The following C7orf57 variants were observed in gnomAD, a reference collection of about 807,000 sequenced individuals.
The protein encoded by C7orf57 is uncharacterized protein C7orf57.
Under a neutral mutation model 39.0 loss-of-function variants are expected in C7orf57, and 33 were observed. The ratio of observed to expected loss-of-function variants is 0.85; its 90% CI spans 0.64 to 1.13. The LOEUF (loss-of-function observed/expected upper bound fraction) is 1.13, where lower values mean the gene tolerates loss of function less well. Among genes scored for constraint, C7orf57 ranks in the 50% most tolerant of loss-of-function variants. C7orf57 has a pLI of 0.00. For missense variants in C7orf57, 346 were observed against 362.3 expected (o/e 0.95, Z 0.37); for synonymous variants, 124 against 137.1 (o/e 0.90, Z 0.67).
chr7:48,060,226 GC>G lies in C7orf57; in HGVS notation c.845del (p.Pro282GlnfsTer17). On this transcript the variant is annotated frameshift_variant and splice_region_variant, in exon 9 of 9. Transcript: ENST00000348904. LOFTEE classifies it high-confidence loss of function. ...CTCATTTATTTACTTTGTGTTGCAG[GC>G]CCAGAAGAATCTGTATCTGCATCAA... ...GPEDTPESSQ[S>X]PEESVSASTP... The G allele has an allele frequency of 6.5e-7, 1 of 1,529,904 alleles. No homozygotes were observed. The highest frequency in any genetic ancestry group is 8.8e-7 in the Non-Finnish European group (1 of 1,131,528). 94.8% of individuals were successfully genotyped at this position (1,529,904 alleles called of 1,614,324 possible). A position where few individuals can be genotyped will look rare whatever the true frequency, so the allele number is the denominator to read the frequency against.
chr7:48,051,851 CTTTCTTTCTTTCTTTCTTTCTCTT>C (rs1253077155), intron 6 of C7orf57, among the ~76,000 whole-genome samples: 3 of 65,592 alleles, frequency 4.6e-5, no homozygotes, highest in African/African-American at 2.6e-4. Context: ...TTCTTTCTTT[CTTTCTTTCTTTCTTTCTTTCTCTT>C]TCTCTTTCTT....
intron 6 of C7orf57, among the ~76,000 whole-genome samples, chr7:48,051,751 TTTCTTTC>T (rs1368614990): frequency 0.013 from 129 of 9,664 alleles, 9 homozygotes; most frequent in African/African-American, 0.03. Context: ...TTCTTTTTCT[TTTCTTTC>T]TTTCTTTCTT....
At position 48,035,991 on chromosome 7, in the gene C7orf57, C is replaced by G. The variant is rs889195754; in HGVS notation, c.-101-217C>G. 4.6e-5 allele frequency among the ~76,000 whole-genome samples: 7 copies of G among 151,904 alleles called. No homozygotes were observed. Among genetic ancestry groups the G allele is most frequent in the South Asian group, 2.1e-4 (1 of 4,816 alleles). On this transcript the variant is annotated intron_variant, in intron 1 of 8. Coordinates refer to ENST00000348904, the MANE Select transcript of C7orf57 (RefSeq NM_001100159.3). This position sits in a 1 kb window ranked among gnomAD's most constrained non-coding sequence, Gnocchi z 4.0. ...GAGTGCGTACGTCCCTGCTGTGTAC[C>G]CTGTGTGGACGTGCCCTGCTGTCTA... is the stretch of plus-strand genomic sequence containing the variant.
chr7:48,043,704 C>A (rs908374714), intron 4 of C7orf57, 115 bp downstream of exon 4: 5 of 810,330 alleles, frequency 6.2e-6, no homozygotes, highest in African/African-American at 3.5e-5. Flanking sequence ...GATATGACAA[C>A]TTCAGGTTCT....
At chr7:48,055,619 T>C (rs1428506195) in intron 8 of C7orf57, among the ~76,000 whole-genome samples, 7 of 152,180 alleles carry the variant, frequency 4.6e-5, no homozygotes, top group Non-Finnish European at 7.4e-5. Flanking sequence ...TCTTACCCCA[T>C]CAACTACTGC....
chr7:48,048,364 G>A (rs985143473), intron 5 of C7orf57, among the ~76,000 whole-genome samples: 1 of 152,116 alleles, frequency 6.6e-6, no homozygotes, highest in East Asian at 1.9e-4. Flanking sequence ...GGCCTCACAC[G>A]GGACACATGG....
At chr7:48,051,815 TTCTC>T (rs202124139) in intron 6 of C7orf57, among the ~76,000 whole-genome samples, 11 of 70,388 alleles carry the variant, frequency 1.6e-4, no homozygotes, top group Admixed American at 4.9e-4. Flanking sequence ...TCCTTTTCTC[TTCTC>T]TTTCTTTCTT....
At chr7:48,045,898 G>T (rs994539999) in intron 4 of C7orf57, among the ~76,000 whole-genome samples, 34 of 152,124 alleles carry the variant, frequency 2.2e-4, no homozygotes, top group African/African-American at 7.5e-4. Context: ...ACAGGAAACA[G>T]AGCATGTTAT....
chr7:48,043,620 T>G (rs1169654956), intron 4 of C7orf57, 31 bp downstream of exon 4: 1 of 1,559,838 alleles, frequency 6.4e-7, no homozygotes, highest in East Asian at 2.2e-5. Flanking sequence ...ACATTTTTGT[T>G]TATCTTTACA....
intron 5 of C7orf57, among the ~76,000 whole-genome samples, chr7:48,049,583 A>G (rs937594316): frequency 2.0e-5 from 3 of 152,098 alleles, no homozygotes; most frequent in African/African-American, 7.2e-5. Context: ...ATATGTTTTC[A>G]TCTGGGTGTG....
At chr7:48,051,869 T>TCC (rs1790950805) in intron 6 of C7orf57, among the ~76,000 whole-genome samples, 1 of 70,760 alleles carries the variant, frequency 1.4e-5, no homozygotes, top group African/African-American at 7.3e-5. Flanking sequence ...CTTTCTTTCT[T>TCC]TCTCTTTCTC....
chr7:48,053,039 T>C (rs1204238714), intron 7 of C7orf57, 116 bp downstream of exon 7: 6 of 834,382 alleles, frequency 7.2e-6, no homozygotes, highest in Non-Finnish European at 1.0e-5. Context: ...CCAAAAACCA[T>C]GTGAAAACGC....
chr7:48,039,407 C>T (rs1157105159), intron 2 of C7orf57, among the ~76,000 whole-genome samples: 4 of 151,914 alleles, frequency 2.6e-5, no homozygotes, highest in South Asian at 2.1e-4. Flanking sequence ...TAAGGAGGCA[C>T]GTCCAGCTTT....
intron 6 of C7orf57, among the ~76,000 whole-genome samples, chr7:48,051,795 TTTC>T (rs1790916359): frequency 1.3e-5 from 1 of 77,514 alleles, no homozygotes; most frequent in African/African-American, 5.1e-5. Context: ...TCTTTCTTTC[TTTC>T]CTTCCTTCCT....
At chr7:48,036,453 G>T in intron 2 of C7orf57, 90 bp downstream of exon 2, 1 of 1,239,324 alleles carries the variant, frequency 8.1e-7, no homozygotes, top group Non-Finnish European at 1.1e-6. Context: ...CGTCCTCTAT[G>T]TGGGCTGGAG....
At chr7:48,049,280 C>T (rs1200491548) in intron 5 of C7orf57, among the ~76,000 whole-genome samples, 1 of 152,216 alleles carries the variant, frequency 6.6e-6, no homozygotes, top group Admixed American at 6.5e-5. Flanking sequence ...TTTCTTTCCT[C>T]TTTCTTTAAT....
In C7orf57 at chr7:48,051,859, C is replaced by CTT. The variant is rs1227351470; in HGVS notation, c.606-839_606-838dup. ...TCTTTCTTTCTTTCTTTCTTTCTTT[C>CTT]TTTCTTTCTTTCTCTTTCTCTTTCT... On this transcript the variant is annotated intron_variant, in intron 6 of 8. Transcript: ENST00000348904. Among the ~76,000 whole-genome samples the CTT allele has an allele frequency of 6.4e-5, 4 of 62,406 alleles. 1 individual carries two copies. The highest frequency in any genetic ancestry group is 9.3e-5 in the Non-Finnish European group (3 of 32,380). 40.9% of individuals were successfully genotyped at this position (62,406 alleles called of 152,430 possible). A position where few individuals can be genotyped will look rare whatever the true frequency, so the allele number is the denominator to read the frequency against.
At chr7:48,039,396 A>C (rs1470305781) in intron 2 of C7orf57, among the ~76,000 whole-genome samples, 1 of 152,064 alleles carries the variant, frequency 6.6e-6, no homozygotes, top group Non-Finnish European at 1.5e-5. Flanking sequence ...GAAGGAGGGT[A>C]TAAGGAGGCA....
rs1477447939 is a variant in C7orf57 at position 48,043,612 on chromosome 7, A to G, written c.350+23A>G. ...AGAGTAAGTACCTTAAAGCACTCAC[A>G]TTTTTGTTTATCTTTACAGGAAAAA... On this transcript the variant is annotated intron_variant, in intron 4 of 8. Coordinates refer to ENST00000348904, the MANE Select transcript of C7orf57 (RefSeq NM_001100159.3). 3.2e-6 allele frequency: 5 copies of G among 1,579,756 alleles called. No individual in the cohort carries two copies. The East Asian group carries it at 1.1e-4, about 35-fold the overall frequency.
Sources: gnomAD v4.1 joint callset for allele counts (sites outside exome capture counted in the v4.1 genomes callset) on GRCh38, gnomAD v4.1.1 for gene constraint, Gnocchi (gnomAD v3.1) non-coding constraint, MANE v1.5 for transcripts, NCBI Gene and HGNC (gene_info 2026-07-23, HGNC 2026-07-21) for gene names.